Variants in F8 observed in about 807,000 individuals in gnomAD.
F8 encodes antihemophilic factor.
Under a neutral mutation model 140.6 loss-of-function variants are expected in F8, and 12 were observed. The observed-to-expected ratio is 0.09, with a 90% CI of 0.05 to 0.14. The LOEUF (loss-of-function observed/expected upper bound fraction) is 0.14. Ranked by LOEUF, F8 falls within the 10% of genes least tolerant of loss-of-function variation. The pLI, the probability that F8 is intolerant of heterozygous loss-of-function variation, is 1.00. For missense variants in F8, 1,354 were observed against 1,720.7 expected (o/e 0.79, Z 3.77); for synonymous variants, 585 against 614.6 (o/e 0.95, Z 0.71).
At chrX:155,006,140 T>G (rs151161250) in intron 1 of F8, among the ~76,000 whole-genome samples, 4,864 of 111,841 alleles carry the variant, frequency 0.043, 270 homozygotes, top group African/African-American at 0.15. Flanking sequence ...TTGGAAACAT[T>G]TTATTTTGTC....
intron 1 of F8, among the ~76,000 whole-genome samples, chrX:155,012,560 C>T (rs1557286657): frequency 9.0e-6 from 1 of 111,553 alleles, no homozygotes; most frequent in African/African-American, 3.3e-5. Context: ...ATCCTGCTGC[C>T]TCCTCCCAAA....
rs1314610918 is a variant in F8, at chrX:154,871,562, A to G, written c.6430-8335T>C. On this transcript the variant is annotated intron_variant, in intron 22 of 25. Transcript: ENST00000360256. ...AAAATCAACTCAAGATGGATCAAAT[A>G]CTTAAACGTAAGACCTAGGACCATA... Among the ~76,000 whole-genome samples the G allele has an allele frequency of 2.7e-5, 3 of 112,332 alleles. No homozygotes were observed. The Admixed American group carries it at 2.8e-4, about 11-fold the overall frequency.
chrX:154,981,473 C>G (rs782227886), intron 6 of F8, among the ~76,000 whole-genome samples: 1 of 108,188 alleles, frequency 9.2e-6, no homozygotes, highest in South Asian at 4.1e-4. Flanking sequence ...ATCTAGTAGA[C>G]CACAGTGTCC....
Position 154,929,157 on chromosome X carries a change from G to A in F8, c.4633C>T (p.Leu1545Phe), listed in dbSNP as rs1201626219. 8.3e-7 allele frequency: 1 copy of A among 1,209,915 alleles called. No individual in the cohort carries two copies. Among genetic ancestry groups the A allele is most frequent in the Admixed American group, 2.2e-5 (1 of 45,735 alleles). ...GHLDLVEGSL[L>F]QGTEGAIKWN... ...TTAATCGCTCCCTCTGTTCCCTGAA[G>A]AAGGCTCCCTTCCACGAGATCCAGA... Residue 1545 changes from leucine to phenylalanine, a missense_variant, in exon 14 of 26, where the codon CTT becomes TTT. Leu to Phe is a conservative substitution (Grantham distance 22, BLOSUM62 0). This residue lies in a region of F8 where 658 missense variants were observed against 666.5 expected (regional missense o/e 0.99). Transcript: ENST00000360256.
intron 6 of F8, among the ~76,000 whole-genome samples, chrX:154,972,443 T>C (rs1275902655): frequency 1.8e-5 from 2 of 111,463 alleles, no homozygotes; most frequent in Admixed American, 9.5e-5. Flanking sequence ...ATGTATAATC[T>C]GCAAATATTT....
intron 22 of F8, among the ~76,000 whole-genome samples, chrX:154,892,112 C>T (rs980108501): frequency 2.7e-5 from 3 of 111,694 alleles, no homozygotes; most frequent in Admixed American, 9.5e-5. Context: ...CACCGGTACT[C>T]TTACCACAGC....
intron 22 of F8, among the ~76,000 whole-genome samples, chrX:154,894,238 C>G (rs974579228): frequency 1.1e-4 from 12 of 107,390 alleles, no homozygotes; most frequent in Non-Finnish European, 2.1e-4. Context: ...CTCAGGACCT[C>G]CTGAGGGCTG....
At chrX:154,879,851 C>T (rs1391570822) in intron 22 of F8, among the ~76,000 whole-genome samples, 3 of 111,411 alleles carry the variant, frequency 2.7e-5, no homozygotes, top group African/African-American at 9.8e-5. Context: ...GTCCTTCACT[C>T]TCTGTCTCTC....
Position 154,871,740 on chromosome X carries a change from T to C in F8, c.6430-8513A>G, listed in dbSNP as rs187436603. On this transcript the variant is annotated intron_variant, in intron 22 of 25. Transcript: ENST00000360256. ...AGAGCTTCTGCACAGCAAAAGAAACTATCATCAGGGTGAGCAGGCAACCTA... is the reference window on the plus strand; with the variant it reads ...AGAGCTTCTGCACAGCAAAAGAAACCATCATCAGGGTGAGCAGGCAACCTA... 5.7e-3 allele frequency among the ~76,000 whole-genome samples: 633 copies of C among 111,988 alleles called. 3 individuals are homozygous for C. Among genetic ancestry groups the C allele is most frequent in the African/African-American group, 0.02 (602 of 30,812 alleles).
chrX:154,962,700 T>C (rs143695573), intron 9 of F8, among the ~76,000 whole-genome samples: 3,248 of 110,899 alleles, frequency 0.029, 63 homozygotes, highest in South Asian at 0.044. Context: ...ACCTCATCTC[T>C]ACAAAAAATA....
At chrX:155,013,818 T>C (rs781817740) in intron 1 of F8, among the ~76,000 whole-genome samples, 3 of 111,739 alleles carry the variant, frequency 2.7e-5, no homozygotes, top group South Asian at 7.6e-4. Context: ...TCTTCCCAGC[T>C]GGTAGATGGC....
intron 6 of F8, among the ~76,000 whole-genome samples, chrX:154,982,683 G>T (rs782327784): frequency 1.8e-5 from 2 of 110,406 alleles, no homozygotes; most frequent in Non-Finnish European, 3.8e-5. Context: ...TAAAATTAAC[G>T]GTAGTAGCCA....
In F8 at chrX:154,930,379, C is replaced by G; in HGVS notation, c.3411G>C (p.Leu1137=). The change falls in exon 14 of 26, where the codon CTG becomes CTC. Residue 1137 remains leucine (L), a synonymous_variant. Coordinates refer to ENST00000360256, the MANE Select transcript of F8 (RefSeq NM_000132.4). ...WIQRTHGKNS[L]NSGQGPSPKQ... ...TTGGACTGGGGCCTTGCCCAGAGTT[C>G]AGAGAGTTCTTTCCATGAGTCCTTT... is the stretch of plus-strand genomic sequence containing the variant. 4.1e-6 allele frequency: 5 copies of G among 1,210,764 alleles called. No individual in the cohort carries two copies. The highest frequency in any genetic ancestry group is 5.6e-6 in the Non-Finnish European group (5 of 894,795).
intron 1 of F8, among the ~76,000 whole-genome samples, chrX:155,020,234 T>C (rs1468264751): frequency 4.5e-5 from 5 of 112,049 alleles, no homozygotes; most frequent in African/African-American, 1.6e-4. Flanking sequence ...TATATGCTAA[T>C]ATATATGAGA....
At chrX:154,915,366 T>C (rs1345485351) in intron 14 of F8, among the ~76,000 whole-genome samples, 1 of 112,054 alleles carries the variant, frequency 8.9e-6, no homozygotes, top group African/African-American at 3.2e-5. Flanking sequence ...CTGTGAAAAA[T>C]GTTATTGGTA....
chrX:154,960,638 C>T (rs1262104753), intron 10 of F8, among the ~76,000 whole-genome samples: 1 of 109,043 alleles, frequency 9.2e-6, no homozygotes, highest in African/African-American at 3.4e-5. Flanking sequence ...AACATGGAAG[C>T]TGCAGCAAAG....
chrX:155,002,019 T>C (rs781840262), intron 1 of F8, among the ~76,000 whole-genome samples: 1 of 112,755 alleles, frequency 8.9e-6, no homozygotes, highest in East Asian at 2.8e-4. Context: ...CTCCAGTCTC[T>C]GGCATCCACC....
intron 14 of F8, among the ~76,000 whole-genome samples, chrX:154,917,465 T>A (rs1310820225): frequency 8.0e-5 from 9 of 112,120 alleles, no homozygotes; most frequent in African/African-American, 2.9e-4. Context: ...TCAGCCTTCC[T>A]ATAACTGGAT....
In F8 at chrX:154,906,468, C is replaced by T; in HGVS notation, c.5325G>A (p.Leu1775=). The T allele has an allele frequency of 8.3e-7, 1 of 1,209,966 alleles. No homozygotes were observed. The highest frequency in any genetic ancestry group is 1.1e-6 in the Non-Finnish European group (1 of 894,106). The change falls in exon 15 of 26, where the codon TTG becomes TTA. Residue 1775 remains leucine (L), a synonymous_variant. Coordinates refer to ENST00000360256, the MANE Select transcript of F8 (RefSeq NM_000132.4). The part of the protein sequence containing the change: ...PLYRGELNEH[L]GLLGPYIRAE... Reference sequence around the variant, plus strand: ...CTCTTATATATGGCCCCAGGAGTCCCAAATGTTCATTTAGTTCTCCACGGT... The same window carrying T: ...CTCTTATATATGGCCCCAGGAGTCCTAAATGTTCATTTAGTTCTCCACGGT...
Sources: allele counts gnomAD v4.1 joint callset (sites outside exome capture counted in the v4.1 genomes callset), GRCh38; gene constraint gnomAD v4.1.1; regional missense constraint gnomAD v4.1.1; transcripts MANE v1.5; gene names NCBI Gene and HGNC (gene_info 2026-07-23, HGNC 2026-07-21).